Variants in POLR2L observed in about 807,000 individuals in gnomAD.
The protein encoded by POLR2L is RNA polymerase II, I and III subunit L, also known as DNA-directed RNA polymerases I, II, and III subunit RPABC5.
In POLR2L, 7 loss-of-function variants were observed where a neutral mutation model predicts 6.8. The observed-to-expected ratio is 1.03, with a 90% CI of 0.59 to 1.94. The LOEUF (loss-of-function observed/expected upper bound fraction) is 1.94. POLR2L is among the 30% of genes most tolerant of loss of function. The pLI is 0.00. For missense variants in POLR2L, 93 were observed against 86.7 expected, an observed-to-expected ratio of 1.07 and a Z score of -0.29; for synonymous variants, 59 against 39.8, an observed-to-expected ratio of 1.48 and a Z score of -1.82.
At position 840,606 on chromosome 11, in the gene POLR2L, G is replaced by A. The variant is rs762627098; in HGVS notation, c.96-126C>T. 2 of 643,492 alleles carry A rather than the reference G, an allele frequency of 3.1e-6. 1 individual carries two copies. Among genetic ancestry groups the A allele is most frequent in the Non-Finnish European group, 5.5e-6 (2 of 361,646 alleles). 39.9% of individuals were successfully genotyped at this position (643,492 alleles called of 1,614,324 possible). A position where few individuals can be genotyped will look rare whatever the true frequency, so the allele number is the denominator to read the frequency against. On this transcript the variant is annotated intron_variant, in intron 1 of 1. Transcript: ENST00000322028. ...CCCCCCGCCACCGGCAAGGCGAACA[G>A]ATTCACCCGGCTCAGAAGCTGAGAT...
chr11:842,367 C>T lies in POLR2L; in HGVS notation c.95+47G>A, dbSNP rs756167772. On this transcript the variant is annotated intron_variant, in intron 1 of 1. Coordinates refer to ENST00000322028, the MANE Select transcript of POLR2L (RefSeq NM_021128.5). ...GGCGGACTCAGCCCCCAGCCCCGGC[C>T]CGCGCCCCACGGCGGACTCAGCCCC... 8.3e-6 allele frequency: 12 copies of T among 1,445,054 alleles called. No individual in the cohort carries two copies. The East Asian group carries it at 3.1e-4, about 37-fold the overall frequency. 89.5% of individuals were successfully genotyped at this position (1,445,054 alleles called of 1,614,324 possible).
intron 1 of POLR2L, among the ~76,000 whole-genome samples, chr11:841,281 G>A (rs976358074): frequency 3.9e-5 from 6 of 152,214 alleles, no homozygotes; most frequent in Non-Finnish European, 8.8e-5. Flanking sequence ...CACATGTGAC[G>A]AAGACTCAGT....
At chr11:840,564 TGCCTGCTG>T (rs1846937489) in intron 1 of POLR2L, 84 bp from the exon 2 acceptor site, 11 of 937,190 alleles carry the variant, frequency 1.2e-5, no homozygotes, top group Non-Finnish European at 1.7e-5. Context: ...TGCCTCTCAC[TGCCTGCTG>T]GCCTCACCCC....
Position 840,211 on chromosome 11 carries a change from G to C in POLR2L, c.*161C>G. On this transcript the variant is annotated 3_prime_UTR_variant, in exon 2 of 2. Transcript: ENST00000322028. ...TGAGGGCTGGGACCTTAGTGGTTCT[G>C]AAAGACCTTTACTGGATGGTTCCTT... 2 of 610,190 alleles carry C rather than the reference G, an allele frequency of 3.3e-6. No homozygotes were observed. The highest frequency in any genetic ancestry group is 5.8e-6 in the Non-Finnish European group (2 of 343,734). 37.8% of individuals were successfully genotyped at this position (610,190 alleles called of 1,614,324 possible). A position where few individuals can be genotyped will look rare whatever the true frequency, so the allele number is the denominator to read the frequency against.
In POLR2L at chr11:842,461, G is replaced by A. The variant is rs779112646; in HGVS notation, c.48C>T (p.Asn16=). The change falls in exon 1 of 2, where the codon AAC becomes AAT. Residue 16 remains asparagine (N), a synonymous_variant. Transcript: ENST00000322028. ...GCAGCCCCAGGTAAGCCTCCCACTT[G>A]TTGCCGACGATCTTGCCACAAGTGA... ...RCFTCGKIVG[N]KWEAYLGLLQ... 1.2e-5 allele frequency: 19 copies of A among 1,596,990 alleles called. No individual in the cohort carries two copies. Among genetic ancestry groups the A allele is most frequent in the South Asian group, 3.4e-5 (3 of 89,148 alleles).
rs1297932228 is a variant in POLR2L, at chr11:840,463, A to C, written c.113T>G (p.Leu38Arg). The change falls in exon 2 of 2, where the codon CTG becomes CGG. Residue 38 changes from leucine to arginine, a missense_variant. Physicochemically the swap from Leu to Arg is moderately radical, Grantham distance 102. Coordinates refer to ENST00000322028, the MANE Select transcript of POLR2L (RefSeq NM_021128.5). ...GCGGCAGCAGTAGCGCTTCAGGCCC[A>C]GGGCATCCAGCGCATCCCTGTGTCG... ...EYTEGDALDA[L>R]GLKRYCCRRM... 1 of 1,610,910 alleles carries C rather than the reference A, an allele frequency of 6.2e-7. No homozygotes were observed. The highest frequency in any genetic ancestry group is 8.5e-7 in the Non-Finnish European group (1 of 1,179,042).
At chr11:842,310 C>T (rs1846994371) in intron 1 of POLR2L, 104 bp downstream of exon 1, 2 of 730,802 alleles carry the variant, frequency 2.7e-6, no homozygotes, top group Non-Finnish European at 4.1e-6. Flanking sequence ...CCTCAGGCAG[C>T]GCTGCGCCTC....
intron 1 of POLR2L, among the ~76,000 whole-genome samples, chr11:840,847 G>C (rs958336026): frequency 6.6e-6 from 1 of 152,134 alleles, no homozygotes; most frequent in Non-Finnish European, 1.5e-5. Flanking sequence ...CACTGGCCAC[G>C]GCAGGGTAGC....
intron 1 of POLR2L, 108 bp downstream of exon 1, chr11:842,306 G>A (rs376600026): frequency 1.5e-6 from 1 of 683,614 alleles, no homozygotes; most frequent in Non-Finnish European, 2.2e-6. Flanking sequence ...CTGGCCTCAG[G>A]CAGCGCTGCG....
chr11:840,748 G>A (rs1292120326), intron 1 of POLR2L, among the ~76,000 whole-genome samples: 1 of 152,196 alleles, frequency 6.6e-6, no homozygotes, highest in East Asian at 1.9e-4. Context: ...ACGTATGTAA[G>A]AAATGTAAAT....
Position 840,868 on chromosome 11 carries a change from C to T in POLR2L, c.96-388G>A, listed in dbSNP as rs562198925. 1.4e-4 allele frequency among the ~76,000 whole-genome samples: 21 copies of T among 152,318 alleles called. No individual in the cohort carries two copies. In the South Asian group the frequency reaches 4.1e-3, roughly 30 times the overall value. On this transcript the variant is annotated intron_variant, in intron 1 of 1. Transcript: ENST00000322028. ...CCACGGCAGGGTAGCTCTCCAGGGGCCTGCCCTTAGCTGGTTCACCCCCAC... is the reference window on the plus strand; with the variant it reads ...CCACGGCAGGGTAGCTCTCCAGGGGTCTGCCCTTAGCTGGTTCACCCCCAC...
Position 842,439 on chromosome 11 carries a change from G to A in POLR2L, c.70C>T (p.Leu24=). 1 of 1,594,168 alleles carries A rather than the reference G, an allele frequency of 6.3e-7. No homozygotes were observed. The highest frequency in any genetic ancestry group is 8.5e-7 in the Non-Finnish European group (1 of 1,172,306). Residue 24 remains leucine (L), a synonymous_variant, in exon 1 of 2, where the codon CTG becomes TTG. Coordinates refer to ENST00000322028, the MANE Select transcript of POLR2L (RefSeq NM_021128.5). ...CCCTCGGTGTACTCGGCCTGCAGCAGCCCCAGGTAAGCCTCCCACTTGTTG... is the reference window on the plus strand; with the variant it reads ...CCCTCGGTGTACTCGGCCTGCAGCAACCCCAGGTAAGCCTCCCACTTGTTG... The part of the protein sequence containing the change: ...VGNKWEAYLG[L]LQAEYTEGDA...
chr11:840,734 T>C (rs1846943984), intron 1 of POLR2L, among the ~76,000 whole-genome samples: 1 of 152,180 alleles, frequency 6.6e-6, no homozygotes, highest in Non-Finnish European at 1.5e-5. Context: ...CGTGTGTGTG[T>C]ATAACGTATG....
chr11:842,096 T>C (rs28450783), intron 1 of POLR2L, among the ~76,000 whole-genome samples: 150,662 of 152,240 alleles, frequency 0.99, 74,568 homozygotes, highest in Middle Eastern at 1. Context: ...GGGGCAGAGA[T>C]GGGAATAGGG....
In POLR2L at chr11:840,276, C is replaced by A; in HGVS notation, c.*96G>T. 2.7e-6 allele frequency: 2 copies of A among 753,564 alleles called. No individual in the cohort carries two copies. Among genetic ancestry groups the A allele is most frequent in the Middle Eastern group, 2.6e-4 (1 of 3,880 alleles). 46.7% of individuals were successfully genotyped at this position (753,564 alleles called of 1,614,324 possible). A position where few individuals can be genotyped will look rare whatever the true frequency, so the allele number is the denominator to read the frequency against. On this transcript the variant is annotated 3_prime_UTR_variant, in exon 2 of 2. Transcript: ENST00000322028. The stretch of plus-strand genomic sequence containing the variant: ...CGGATACACACACACTGCGGCCAGG[C>A]ATTACGCCAGCTCCCGGATGCCTCA...
At position 840,097 on chromosome 11, in the gene POLR2L, C is replaced by A; in HGVS notation, c.*275G>T. On this transcript the variant is annotated 3_prime_UTR_variant, in exon 2 of 2. Coordinates refer to ENST00000322028, the MANE Select transcript of POLR2L (RefSeq NM_021128.5). ...GGGGTGCCTGTGGAACAGGCTGGCC[C>A]CAGGGCTAGGAGAGTTCATGGCCCA... The A allele has an allele frequency of 2.9e-6, 1 of 347,638 alleles. No individual in the cohort carries two copies. The highest frequency in any genetic ancestry group is 4.9e-5 in the East Asian group (1 of 20,286). The allele number at this position is 347,638 out of a possible 1,614,324, so 21.5% of individuals were successfully genotyped here.
intron 1 of POLR2L, 100 bp from the exon 2 acceptor site, chr11:840,580 C>CA (rs1228391544): frequency 7.7e-5 from 46 of 598,726 alleles, no homozygotes; most frequent in Non-Finnish European, 1.0e-4. Context: ...CTGGCCTCAC[C>CA]CCCCCCGCCA....
At position 842,422 on chromosome 11, in the gene POLR2L, G is replaced by A; in HGVS notation, c.87C>T (p.Tyr29=). ...EAYLGLLQAE[Y]TEGDALDALG... ...CCCGGCCCGCGCCTCACCCCTCGGT[G>A]TACTCGGCCTGCAGCAGCCCCAGGT... The change falls in exon 1 of 2, where the codon TAC becomes TAT. Residue 29 remains tyrosine, a synonymous_variant. Coordinates refer to ENST00000322028, the MANE Select transcript of POLR2L (RefSeq NM_021128.5). The A allele has an allele frequency of 1.3e-6, 2 of 1,588,858 alleles. No homozygotes were observed. Among genetic ancestry groups the A allele is most frequent in the Admixed American group, 1.7e-5 (1 of 57,312 alleles).
intron 1 of POLR2L, 27 bp downstream of exon 1, chr11:842,387 A>G (rs1417826180): frequency 1.3e-6 from 2 of 1,522,536 alleles, no homozygotes; most frequent in Non-Finnish European, 1.8e-6. Context: ...CGGCGGACTC[A>G]GCCCCTAGCC....
Sources: gnomAD v4.1 joint callset for allele counts (sites outside exome capture counted in the v4.1 genomes callset) on GRCh38, gnomAD v4.1.1 for gene constraint, MANE v1.5 for transcripts, NCBI Gene and HGNC (gene_info 2026-07-23, HGNC 2026-07-21) for gene names.